The following TPRG1 variants were observed in gnomAD, a reference collection of about 807,000 sequenced individuals.
TPRG1 encodes the protein tumor protein p63 regulated 1, also known as tumor protein p63-regulated gene 1 protein.
TPRG1 carries 29 observed loss-of-function variants against 29.3 expected under a neutral mutation model. The observed-to-expected ratio is 0.99, with a 90% CI of 0.74 to 1.35. The LOEUF (loss-of-function observed/expected upper bound fraction) is 1.35, where lower values mean the gene tolerates loss of function less well. Ranked by LOEUF, TPRG1 falls within the 40% of genes most tolerant of loss-of-function variation. TPRG1 has a pLI of 0.00. For synonymous variants in TPRG1, 130 were observed against 116.8 expected, an observed-to-expected ratio of 1.11 and a Z score of -0.73; for missense variants, 327 against 335.0, an observed-to-expected ratio of 0.98 and a Z score of 0.19.
At chr3:189,084,416 T>C (rs528280670) in intron 4 of TPRG1, among the ~76,000 whole-genome samples, 18 of 152,184 alleles carry the variant, frequency 1.2e-4, no homozygotes, top group Non-Finnish European at 2.1e-4. Flanking sequence ...GAATGCCCTG[T>C]TCTTTAGCTG....
rs1724269784 is a variant in TPRG1, at chr3:189,321,070, T to C, written c.*250T>C. On this transcript the variant is annotated 3_prime_UTR_variant, in exon 6 of 6. Coordinates refer to ENST00000345063, the MANE Select transcript of TPRG1 (RefSeq NM_198485.4). ...ATGCTGCTGAGCCTATCAAATACTG[T>C]TATCAAATGAGTGCCTGATCATCAA... The C allele has an allele frequency of 9.2e-6, 3 of 326,020 alleles. No homozygotes were observed. The allele number at this position is 326,020 out of a possible 1,614,324, so 20.2% of individuals were successfully genotyped here.
rs574000333 is a variant in TPRG1 at position 189,093,315 on chromosome 3, A to C, written c.-462-33742A>C. Among the ~76,000 whole-genome samples the C allele has an allele frequency of 5.3e-5, 8 of 152,306 alleles. No homozygotes were observed. In the South Asian group the frequency reaches 1.5e-3, roughly 28 times the overall value. The stretch of plus-strand genomic sequence containing the variant: ...TTAGACCTTCCTTAAATTCTTTCAC[A>C]TCTCTGCAAACAGGAAGATTAATTG... On this transcript the variant is annotated intron_variant, in intron 4 of 10. Coordinates refer to the TPRG1 transcript ENST00000433971.
At chr3:189,202,311 CG>C (rs1560544933) in intron 1 of TPRG1, among the ~76,000 whole-genome samples, 1 of 152,028 alleles carries the variant, frequency 6.6e-6, no homozygotes, top group African/African-American at 2.4e-5. Flanking sequence ...CCCCTCAGAC[CG>C]GGGGTAGGCT....
chr3:189,193,297 A>G (rs1023292333), intron 1 of TPRG1, among the ~76,000 whole-genome samples: 1 of 151,886 alleles, frequency 6.6e-6, no homozygotes, highest in Non-Finnish European at 1.5e-5. Flanking sequence ...TACCATGTCC[A>G]ACTAATTTTT....
At position 189,061,998 on chromosome 3, in the gene TPRG1, G is replaced by A. The variant is rs961931943; in HGVS notation, c.-463+38052G>A. Reference sequence around the variant, plus strand: ...AGACACATGCCTGTGAATGTTCACTGCAGCACTATTCACAATAGCAAAGAC... The same window carrying A: ...AGACACATGCCTGTGAATGTTCACTACAGCACTATTCACAATAGCAAAGAC... On this transcript the variant is annotated intron_variant, in intron 4 of 10. Coordinates refer to the TPRG1 transcript ENST00000433971. Among the ~76,000 whole-genome samples the A allele has an allele frequency of 9.2e-5, 14 of 152,174 alleles. 1 individual carries two copies. Among genetic ancestry groups the A allele is most frequent in the Non-Finnish European group, 1.5e-5 (1 of 68,026 alleles).
At chr3:189,056,085 C>T (rs537374803) in intron 4 of TPRG1, among the ~76,000 whole-genome samples, 51 of 133,114 alleles carry the variant, frequency 3.8e-4, no homozygotes, top group Middle Eastern at 3.8e-3. Flanking sequence ...TCCTTCCTTC[C>T]TTCCTTCCTT....
intron 5 of TPRG1, among the ~76,000 whole-genome samples, chr3:189,319,907 G>A (rs115647479): frequency 5.3e-5 from 8 of 152,048 alleles, no homozygotes; most frequent in African/African-American, 1.9e-4. Flanking sequence ...TTTTGCAGGT[G>A]CTGTGTTTTC....
chr3:189,022,856 A>C (rs1713422608), intron 3 of TPRG1, among the ~76,000 whole-genome samples: 1 of 152,148 alleles, frequency 6.6e-6, no homozygotes, highest in East Asian at 1.9e-4. Context: ...TTGATCTCAG[A>C]CTGCTGTGCT....
intron 4 of TPRG1, among the ~76,000 whole-genome samples, chr3:189,279,076 C>T (rs1024816913): frequency 2.0e-5 from 3 of 152,198 alleles, no homozygotes; most frequent in Non-Finnish European, 4.4e-5. Flanking sequence ...ATGAACTATA[C>T]AGTATCTGCT....
At chr3:189,150,163 T>G (rs1725746680) in intron 4 of TPRG1, among the ~76,000 whole-genome samples, 1 of 152,162 alleles carries the variant, frequency 6.6e-6, no homozygotes, top group Non-Finnish European at 1.5e-5. Flanking sequence ...TGGAAGTGAC[T>G]TGGTGAACTT....
chr3:189,070,167 T>A (rs1716723173), intron 4 of TPRG1, among the ~76,000 whole-genome samples: 1 of 152,204 alleles, frequency 6.6e-6, no homozygotes, highest in South Asian at 2.1e-4. Flanking sequence ...TAATTTCAAG[T>A]TACATACTGT....
chr3:189,002,892 A>C (rs902829605), intron 2 of TPRG1, among the ~76,000 whole-genome samples: 2 of 152,118 alleles, frequency 1.3e-5, no homozygotes, highest in Non-Finnish European at 2.9e-5. Flanking sequence ...TTTTAAGCAC[A>C]TGCTCAATGG....
At chr3:189,223,768 C>T (rs1391609657) in intron 3 of TPRG1, among the ~76,000 whole-genome samples, 5 of 152,068 alleles carry the variant, frequency 3.3e-5, no homozygotes, top group African/African-American at 9.7e-5. Context: ...ATCTTAAGAG[C>T]GTTATTTCAA....
intron 1 of TPRG1, among the ~76,000 whole-genome samples, chr3:189,112,147 A>G (rs1392448416): frequency 1.3e-5 from 2 of 151,680 alleles, no homozygotes; most frequent in Non-Finnish European, 2.9e-5. Flanking sequence ...TTTGGGACCA[A>G]CTCCACCTGG....
chr3:189,074,306 C>T (rs895072078), intron 4 of TPRG1, among the ~76,000 whole-genome samples: 4 of 149,254 alleles, frequency 2.7e-5, no homozygotes, highest in Admixed American at 6.7e-5. Context: ...CCAGGTTTCG[C>T]GCCATTTTCC....
At chr3:189,092,847 A>G (rs58426182) in intron 4 of TPRG1, among the ~76,000 whole-genome samples, 14,080 of 152,172 alleles carry the variant, frequency 0.093, 836 homozygotes, top group African/African-American at 0.17. Context: ...GCCCTGTTCT[A>G]AGTGCTACAC....
chr3:189,130,090 T>C (rs1722935226), intron 2 of TPRG1, among the ~76,000 whole-genome samples: 1 of 152,224 alleles, frequency 6.6e-6, no homozygotes, highest in African/African-American at 2.4e-5. Flanking sequence ...CAAGCACTCA[T>C]GGCAAGCTCA....
At chr3:189,239,176 G>T (rs565426331) in intron 4 of TPRG1, among the ~76,000 whole-genome samples, 4 of 152,338 alleles carry the variant, frequency 2.6e-5, no homozygotes, top group African/African-American at 9.6e-5. Context: ...TGAACTGACA[G>T]TTCCACATGG....
rs557754611 is a variant in TPRG1 at position 189,193,713 on chromosome 3, A to C, written c.-9-13663A>C. Among the ~76,000 whole-genome samples the C allele has an allele frequency of 5.3e-5, 8 of 149,982 alleles. No homozygotes were observed. In the South Asian group the frequency reaches 1.7e-3, roughly 32 times the overall value. ...GTCTGTTGTTGAGGCTGTCTCTTTT[A>C]TTAATCAACTTATTCAGAATACTGC... On this transcript the variant is annotated intron_variant, in intron 1 of 5. Transcript: ENST00000345063.
Sources: allele counts gnomAD v4.1 joint callset (sites outside exome capture counted in the v4.1 genomes callset), GRCh38; gene constraint gnomAD v4.1.1; transcripts MANE v1.5; gene names NCBI Gene and HGNC (gene_info 2026-07-23, HGNC 2026-07-21).